Variants in CRYL1 observed in about 807,000 individuals in gnomAD.
CRYL1 encodes crystallin lambda 1.
A neutral mutation model predicts 36.6 loss-of-function variants in CRYL1; 29 were observed. The ratio of observed to expected loss-of-function variants is 0.79; its 90% CI spans 0.59 to 1.08. CRYL1 has a LOEUF of 1.08. CRYL1 is among the 50% of genes least tolerant of loss of function. CRYL1 has a pLI of 0.00. For missense variants in CRYL1, 411 were observed against 407.9 expected (o/e 1.01, Z -0.06); for synonymous variants, 152 against 151.5 (o/e 1.00, Z -0.02).
At chr13:20,509,960 T>C (rs1339283376) in intron 2 of CRYL1, among the ~76,000 whole-genome samples, 2 of 151,984 alleles carry the variant, frequency 1.3e-5, no homozygotes, top group African/African-American at 4.8e-5. Context: ...AACAAGGAGA[T>C]ACCATTATTT....
chr13:20,431,022 A>G, intron 5 of CRYL1: 3 of 985,486 alleles, frequency 3.0e-6, no homozygotes, highest in Non-Finnish European at 3.6e-6. Flanking sequence ...ATCAAGACAC[A>G]GAATCGAGGC....
At position 20,413,381 on chromosome 13, in the gene CRYL1, T is replaced by C. The variant is rs2031573287; in HGVS notation, c.640A>G (p.Ile214Val). ...AGGTCCAGGTCACTAGGAGACACGA[T>C]TCCTTCCTACGTGGAGAAATTGGGC... Reference protein sequence around the residue: ...SEAWRLVEEGIVSPSDLDLVM... With the variant: ...SEAWRLVEEGVVSPSDLDLVM... Residue 214 changes from isoleucine to valine, a missense_variant, in exon 6 of 8, where the codon ATC (isoleucine) becomes GTC (valine). Ile to Val is a conservative substitution (Grantham distance 29). Coordinates refer to ENST00000298248, the MANE Select transcript of CRYL1 (RefSeq NM_015974.3). 1 of 1,608,848 alleles carries C rather than the reference T, an allele frequency of 6.2e-7. No individual in the cohort carries two copies. Among genetic ancestry groups the C allele is most frequent in the African/African-American group, 1.3e-5 (1 of 74,716 alleles).
At chr13:20,515,212 G>C (rs1306860391) in intron 1 of CRYL1, among the ~76,000 whole-genome samples, 1 of 152,184 alleles carries the variant, frequency 6.6e-6, no homozygotes, top group Non-Finnish European at 1.5e-5. Flanking sequence ...GTGATAGCTA[G>C]TGGGTCCAAG....
chr13:20,447,612 A>G (rs964234851), intron 3 of CRYL1, among the ~76,000 whole-genome samples: 4 of 152,142 alleles, frequency 2.6e-5, no homozygotes, highest in Non-Finnish European at 5.9e-5. Context: ...GAGATCCTCT[A>G]TGAGGGAAGT....
intron 1 of CRYL1, among the ~76,000 whole-genome samples, chr13:20,520,808 T>C (rs2034080359): frequency 6.6e-6 from 1 of 152,106 alleles, no homozygotes; most frequent in East Asian, 1.9e-4. Context: ...GTTTCCTCTC[T>C]TGAAAATTGG....
chr13:20,432,359 C>T lies in CRYL1; in HGVS notation c.439-63G>A. 3 of 1,267,130 alleles carry T rather than the reference C, an allele frequency of 2.4e-6. No individual in the cohort carries two copies. In the Admixed American group the frequency reaches 6.2e-5, roughly 26 times the overall value. 78.5% of individuals were successfully genotyped at this position (1,267,130 alleles called of 1,614,324 possible). A position where few individuals can be genotyped will look rare whatever the true frequency, so the allele number is the denominator to read the frequency against. On this transcript the variant is annotated intron_variant, in intron 4 of 7. Coordinates refer to ENST00000298248, the MANE Select transcript of CRYL1 (RefSeq NM_015974.3). Reference sequence around the variant, plus strand: ...GATCCTGGGTTTGGGGAACTGCACCCACCCTGAATGGTCAGGAGCAGCAGA... The same window carrying T: ...GATCCTGGGTTTGGGGAACTGCACCTACCCTGAATGGTCAGGAGCAGCAGA...
chr13:20,524,110 G>A (rs10459364), intron 1 of CRYL1, among the ~76,000 whole-genome samples: 9,268 of 152,162 alleles, frequency 0.061, 633 homozygotes, highest in East Asian at 0.37. Flanking sequence ...AAAATCAGCC[G>A]GGTATGGTGA....
chr13:20,507,726 G>A (rs1157542118), intron 2 of CRYL1, among the ~76,000 whole-genome samples: 7 of 152,092 alleles, frequency 4.6e-5, no homozygotes, highest in East Asian at 3.9e-4. Flanking sequence ...AGACCATCCT[G>A]GCTAACACAG....
intron 2 of CRYL1, among the ~76,000 whole-genome samples, chr13:20,495,284 T>A (rs981845634): frequency 6.6e-6 from 1 of 152,198 alleles, no homozygotes; most frequent in Non-Finnish European, 1.5e-5. Flanking sequence ...GAGGCACTAG[T>A]AGAAGGCTGC....
At chr13:20,449,048 A>G (rs1272105481) in intron 3 of CRYL1, among the ~76,000 whole-genome samples, 2 of 152,204 alleles carry the variant, frequency 1.3e-5, no homozygotes, top group African/African-American at 2.4e-5. Context: ...CATTCCTGTA[A>G]TCCCAGCTAC....
At chr13:20,495,667 C>T (rs781359949) in intron 2 of CRYL1, among the ~76,000 whole-genome samples, 7 of 152,106 alleles carry the variant, frequency 4.6e-5, no homozygotes, top group Non-Finnish European at 7.4e-5. Context: ...GAAGCGGGAT[C>T]GCAAAGAGAG....
chr13:20,512,521 AG>A lies in CRYL1; in HGVS notation c.70del (p.Leu24CysfsTer9). 1 of 1,614,132 alleles carries A rather than the reference AG, an allele frequency of 6.2e-7. No homozygotes were observed. Among genetic ancestry groups the A allele is most frequent in the Non-Finnish European group, 8.5e-7 (1 of 1,179,974 alleles). On this transcript the variant is annotated frameshift_variant, in exon 2 of 8. Transcript: ENST00000298248. LOFTEE classifies it high-confidence loss of function. ...CACCTGGAAGCCTCCACTGGCAAACAGCATGGCCCAGCTTCGCCCAATGACT... is the reference window on the plus strand; with the variant it reads ...CACCTGGAAGCCTCCACTGGCAAACACATGGCCCAGCTTCGCCCAATGACT... ...SGVIGRSWAM[L>X]FASGGFQVKL...
intron 2 of CRYL1, among the ~76,000 whole-genome samples, chr13:20,505,503 C>T (rs2033780767): frequency 6.6e-6 from 1 of 152,028 alleles, no homozygotes; most frequent in African/African-American, 2.4e-5. Flanking sequence ...GTGACTCAGT[C>T]AAAACAATTG....
At chr13:20,444,983 G>T (rs1163796324) in intron 3 of CRYL1, among the ~76,000 whole-genome samples, 2 of 152,194 alleles carry the variant, frequency 1.3e-5, no homozygotes, top group Non-Finnish European at 2.9e-5. Flanking sequence ...TTCCCAAAGT[G>T]CCAGAATTAC....
At chr13:20,426,761 A>C (rs1172394328) in intron 5 of CRYL1, 2 of 985,270 alleles carry the variant, frequency 2.0e-6, no homozygotes, top group Non-Finnish European at 2.4e-6. Context: ...ATGTCTCCTA[A>C]CAGTTGGCAG....
intron 3 of CRYL1, among the ~76,000 whole-genome samples, chr13:20,444,721 T>A (rs1047206626): frequency 1.2e-4 from 18 of 152,238 alleles, no homozygotes; most frequent in African/African-American, 3.9e-4. Context: ...GAGTTTTGAA[T>A]ACAAATGTTT....
chr13:20,418,111 G>A (rs2031714526), intron 5 of CRYL1, among the ~76,000 whole-genome samples: 1 of 152,168 alleles, frequency 6.6e-6, no homozygotes, highest in Non-Finnish European at 1.5e-5. Context: ...CTGCTTGCAA[G>A]GCCTTTCAAT....
chr13:20,466,127 A>G (rs764779737), intron 3 of CRYL1, among the ~76,000 whole-genome samples: 13 of 152,140 alleles, frequency 8.5e-5, no homozygotes, highest in Non-Finnish European at 1.2e-4. Context: ...CCAAATAAAC[A>G]TCTTTTCTTT....
intron 6 of CRYL1, among the ~76,000 whole-genome samples, chr13:20,408,882 C>T (rs1000793872): frequency 6.6e-6 from 1 of 152,328 alleles, no homozygotes; most frequent in African/African-American, 2.4e-5. Flanking sequence ...ATTCCATGCT[C>T]ATGGGTAGGA....
Sources: gnomAD v4.1 joint callset for allele counts (sites outside exome capture counted in the v4.1 genomes callset) on GRCh38, gnomAD v4.1.1 for gene constraint, MANE v1.5 for transcripts, NCBI Gene and HGNC (gene_info 2026-07-23, HGNC 2026-07-21) for gene names.